SASS6: variants seen among roughly 807,000 people sequenced by gnomAD.
SASS6 encodes spindle assembly abnormal protein 6 homolog.
A neutral mutation model predicts 94.9 loss-of-function variants in SASS6; 59 were observed. The ratio of observed to expected loss-of-function variants is 0.62; its 90% CI spans 0.50 to 0.77. The LOEUF is 0.77. Among genes scored for constraint, SASS6 ranks in the 30% least tolerant of loss-of-function variants. The pLI is 0.00. For missense variants in SASS6, 698 were observed against 734.1 expected (o/e 0.95, Z 0.57); for synonymous variants, 264 against 270.0 (o/e 0.98, Z 0.22).
At position 100,110,400 on chromosome 1, in the gene SASS6, T is replaced by C. The variant is rs921281248; in HGVS notation, c.753A>G (p.Gln251=). The change falls in exon 8 of 17, where the codon CAA becomes CAG. Residue 251 remains glutamine (Q), a synonymous_variant. Transcript: ENST00000287482. ...CCGCTTCTAACTCAGACAGTCTGTT[T>C]TGTAGCTGGTGGATGTTTTGTTGAT... ...ILHQQNIHQL[Q]NRLSELEAAN... The C allele has an allele frequency of 1.9e-6, 3 of 1,610,824 alleles. No homozygotes were observed. Among genetic ancestry groups the C allele is most frequent in the Non-Finnish European group, 2.5e-6 (3 of 1,177,400 alleles).
At chr1:100,096,392 A>G (rs975508306) in intron 14 of SASS6, among the ~76,000 whole-genome samples, 1 of 152,222 alleles carries the variant, frequency 6.6e-6, no homozygotes, top group African/African-American at 2.4e-5. Context: ...TTATTTCAAA[A>G]TGGATCACAG....
intron 14 of SASS6, among the ~76,000 whole-genome samples, chr1:100,090,668 ACT>A (rs1316106695): frequency 6.6e-6 from 1 of 151,606 alleles, no homozygotes; most frequent in East Asian, 1.9e-4. Flanking sequence ...CTACTTTTCT[ACT>A]CTCTTTGTCC....
intron 14 of SASS6, 83 bp downstream of exon 14, chr1:100,102,872 G>C: frequency 9.5e-7 from 1 of 1,055,476 alleles, no homozygotes; most frequent in Non-Finnish European, 1.4e-6. Flanking sequence ...AAGAATAAAT[G>C]AACTTTTAAA....
chr1:100,107,575 A>G, intron 10 of SASS6, 22 bp from the exon 11 acceptor site: 1 of 1,567,134 alleles, frequency 6.4e-7, no homozygotes, highest in Non-Finnish European at 8.7e-7. Context: ...CTTCATATGT[A>G]TATTTCTATG....
At chr1:100,123,027 A>G (rs1654318929) in intron 3 of SASS6, among the ~76,000 whole-genome samples, 183 bp downstream of exon 3, 1 of 152,234 alleles carries the variant, frequency 6.6e-6, no homozygotes, top group Non-Finnish European at 1.5e-5. Context: ...TTTAAGCAGA[A>G]TTCTAATAAC....
intron 1 of SASS6, among the ~76,000 whole-genome samples, chr1:100,129,291 C>CA (rs936762550): frequency 5.3e-5 from 8 of 150,072 alleles, no homozygotes; most frequent in South Asian, 2.1e-4. Context: ...CAAAACAAAA[C>CA]AAAAAAAACC....
At chr1:100,113,759 C>A (rs531309828) in intron 7 of SASS6, among the ~76,000 whole-genome samples, 16 of 150,834 alleles carry the variant, frequency 1.1e-4, no homozygotes, top group African/African-American at 3.9e-4. Flanking sequence ...AATAGAAAAA[C>A]CACCTAGTCG....
intron 7 of SASS6, among the ~76,000 whole-genome samples, chr1:100,117,428 G>A (rs1653880345): frequency 6.6e-6 from 1 of 151,800 alleles, no homozygotes; most frequent in African/African-American, 2.4e-5. Context: ...CAAGGTGGGT[G>A]GACCACGAGG....
intron 14 of SASS6, among the ~76,000 whole-genome samples, chr1:100,089,311 C>CA (rs1651520802): frequency 6.6e-6 from 1 of 151,630 alleles, no homozygotes; most frequent in Admixed American, 6.6e-5. Flanking sequence ...GGAGGAACAC[C>CA]AAAAAAGAGA....
At chr1:100,118,647 G>GT (rs1295601440) in intron 7 of SASS6, among the ~76,000 whole-genome samples, 2 of 152,046 alleles carry the variant, frequency 1.3e-5, no homozygotes, top group East Asian at 3.9e-4. Flanking sequence ...ATACAGAATG[G>GT]TATCACATTA....
Position 100,112,641 on chromosome 1 carries a change from C to T in SASS6, c.670-2158G>A, listed in dbSNP as rs117630177. On this transcript the variant is annotated intron_variant, in intron 7 of 16. Transcript: ENST00000287482. ...AATATAGATAATACAGCCATTATTC[C>T]CTATAACATTTGTAGAAACCATCAG... Among the ~76,000 whole-genome samples, 94 of 152,216 alleles carry T rather than the reference C, an allele frequency of 6.2e-4. 1 individual carries two copies. The East Asian group carries it at 0.017, about 27-fold the overall frequency.
At chr1:100,110,202 G>A in intron 8 of SASS6, 90 bp downstream of exon 8, 1 of 684,460 alleles carries the variant, frequency 1.5e-6, no homozygotes, top group East Asian at 2.9e-5. Flanking sequence ...AGCATCCAGA[G>A]GAACACCACC....
intron 7 of SASS6, among the ~76,000 whole-genome samples, chr1:100,118,239 C>T (rs1382098425): frequency 2.0e-5 from 3 of 151,908 alleles, no homozygotes; most frequent in African/African-American, 7.3e-5. Flanking sequence ...TGCTTGAACC[C>T]GGGAGGCAGA....
At chr1:100,110,513 A>G (rs1222450043) in intron 7 of SASS6, 30 bp from the exon 8 acceptor site, 23 of 1,216,768 alleles carry the variant, frequency 1.9e-5, no homozygotes, top group Middle Eastern at 2.0e-4. Context: ...CAGTACCAAA[A>G]TTCAAAGAAA....
In SASS6 at chr1:100,084,467, T is replaced by A. The variant is rs1295300258; in HGVS notation, c.*861A>T. ...AATTGTACCTTCTAACAGTTATTTG[T>A]TTTGCCTAGTTTATTAACATTGAAA... On this transcript the variant is annotated 3_prime_UTR_variant, in exon 17 of 17. Coordinates refer to ENST00000287482, the MANE Select transcript of SASS6 (RefSeq NM_194292.3). 3.3e-5 allele frequency: 5 copies of A among 152,116 alleles called. No individual in the cohort carries two copies. Among genetic ancestry groups the A allele is most frequent in the African/African-American group, 1.2e-4 (5 of 41,452 alleles). The allele number at this position is 152,116 out of a possible 1,614,324, so 9.4% of individuals were successfully genotyped here. A position where few individuals can be genotyped will look rare whatever the true frequency, so the allele number is the denominator to read the frequency against.
At chr1:100,125,125 C>T (rs1005191413) in intron 2 of SASS6, among the ~76,000 whole-genome samples, 5 of 151,786 alleles carry the variant, frequency 3.3e-5, no homozygotes, top group South Asian at 2.1e-4. Context: ...TGCCTCTCTT[C>T]AAAACGTAAA....
At chr1:100,099,108 T>C (rs906390276) in intron 14 of SASS6, 1 of 152,192 alleles carries the variant, frequency 6.6e-6, no homozygotes, top group African/African-American at 2.4e-5. Context: ...TTAAACCATC[T>C]AGGTGAATCA....
chr1:100,130,728 T>G (rs1654947551), intron 1 of SASS6, among the ~76,000 whole-genome samples: 1 of 150,306 alleles, frequency 6.7e-6, no homozygotes, highest in African/African-American at 2.4e-5. Flanking sequence ...AGAGAGAGTC[T>G]GGGTTGTTCT....
intron 14 of SASS6, among the ~76,000 whole-genome samples, chr1:100,094,866 C>CAA (rs555045794): frequency 0.071 from 6,780 of 94,916 alleles, 187 homozygotes; most frequent in African/African-American, 0.1. Flanking sequence ...ACTCTGTCTC[C>CAA]AAAAAAAAAA....
Sources: gnomAD v4.1 joint callset for allele counts (sites outside exome capture counted in the v4.1 genomes callset) on GRCh38, gnomAD v4.1.1 for gene constraint, MANE v1.5 for transcripts, NCBI Gene and HGNC (gene_info 2026-07-23, HGNC 2026-07-21) for gene names.